CDKAL1: variants seen among roughly 807,000 people sequenced by gnomAD.
CDKAL1 encodes threonylcarbamoyladenosine tRNA methylthiotransferase.
A neutral mutation model predicts 68.2 loss-of-function variants in CDKAL1; 32 were observed. The ratio of observed to expected loss-of-function variants is 0.47; its 90% confidence interval spans 0.35 to 0.63. The LOEUF (loss-of-function observed/expected upper bound fraction) is 0.63. Ranked by LOEUF, CDKAL1 falls within the 30% of genes least tolerant of loss-of-function variation. The pLI is 0.00. For synonymous variants in CDKAL1, 234 were observed against 244.3 expected (o/e 0.96, Z 0.39); for missense variants, 606 against 696.7 (o/e 0.87, Z 1.47).
chr6:21,041,139 A>G (rs966508138), intron 11 of CDKAL1, among the ~76,000 whole-genome samples: 6 of 152,214 alleles, frequency 3.9e-5, no homozygotes, highest in Admixed American at 1.3e-4. Context: ...CACGTCTGCA[A>G]TCAGATGCAA....
At chr6:21,075,313 T>C (rs1032883955) in intron 12 of CDKAL1, among the ~76,000 whole-genome samples, 1 of 146,488 alleles carries the variant, frequency 6.8e-6, no homozygotes, top group Non-Finnish European at 1.5e-5. Flanking sequence ...AATATTAGCA[T>C]TAATATAAAT....
rs542290484 is a variant in CDKAL1 at position 21,158,691 on chromosome 6, C to T, written c.1300-39330C>T. On this transcript the variant is annotated intron_variant, in intron 13 of 15. Transcript: ENST00000274695. ...CAAGCAAAGCATGTATGATGGTATTCATAGAAGAATAGACAGTGTAAGTCT... is the reference window on the plus strand; with the variant it reads ...CAAGCAAAGCATGTATGATGGTATTTATAGAAGAATAGACAGTGTAAGTCT... Among the ~76,000 whole-genome samples the T allele has an allele frequency of 2.0e-5, 3 of 152,312 alleles. No individual in the cohort carries two copies. In the South Asian group the frequency reaches 6.2e-4, roughly 32 times the overall value.
chr6:20,573,067 A>C (rs1764768365), intron 4 of CDKAL1, among the ~76,000 whole-genome samples: 1 of 152,186 alleles, frequency 6.6e-6, no homozygotes, highest in African/African-American at 2.4e-5. Flanking sequence ...TTGTAGCCAG[A>C]GTCTCCTTCT....
At chr6:21,027,928 T>C (rs1769051422) in intron 11 of CDKAL1, among the ~76,000 whole-genome samples, 1 of 152,198 alleles carries the variant, frequency 6.6e-6, no homozygotes, top group African/African-American at 2.4e-5. Flanking sequence ...CCAAAAGCTT[T>C]GGCCCAGAAA....
Position 21,231,165 on chromosome 6 carries a change from A to G in CDKAL1, c.*126A>G. On this transcript the variant is annotated 3_prime_UTR_variant, in exon 16 of 16. Transcript: ENST00000274695. ...GTACTGGTCATGCTGCCTCCTTCTC[A>G]GCCACTCTTCTTAATGAGGCTCCCC... 3.0e-6 allele frequency: 2 copies of G among 660,972 alleles called. No individual in the cohort carries two copies. The highest frequency in any genetic ancestry group is 5.6e-5 in the East Asian group (2 of 35,484). The allele number at this position is 660,972 out of a possible 1,614,324, so 40.9% of individuals were successfully genotyped here.
rs190370454 is a variant in CDKAL1, at chr6:20,561,765, G to A, written c.286+13060G>A. Among the ~76,000 whole-genome samples the A allele has an allele frequency of 6.0e-3, 917 of 152,228 alleles. 6 individuals carry two copies. Among genetic ancestry groups the A allele is most frequent in the South Asian group, 0.028 (135 of 4,824 alleles). Reference sequence around the variant, plus strand: ...AACAAGTATATTTCTTGAATATAATGTATAGAAGTAATTTTATTCTTTTTA... The same window carrying A: ...AACAAGTATATTTCTTGAATATAATATATAGAAGTAATTTTATTCTTTTTA... On this transcript the variant is annotated intron_variant, in intron 4 of 15. Transcript: ENST00000274695.
chr6:20,728,183 A>G lies in CDKAL1; in HGVS notation c.372-11336A>G, dbSNP rs371557031. On this transcript the variant is annotated intron_variant, in intron 5 of 15. Coordinates refer to ENST00000274695, the MANE Select transcript of CDKAL1 (RefSeq NM_017774.3). ...TCATGTGTATTTCTGTATAATTTGT[A>G]TATTTCAGTGGAGGGTGGTCTTTCC... Among the ~76,000 whole-genome samples the G allele has an allele frequency of 1.8e-3, 267 of 152,256 alleles. 1 individual carries two copies. Among genetic ancestry groups the G allele is most frequent in the African/African-American group, 5.4e-3 (225 of 41,554 alleles).
At chr6:20,872,429 C>T (rs1760271492) in intron 9 of CDKAL1, among the ~76,000 whole-genome samples, 1 of 152,126 alleles carries the variant, frequency 6.6e-6, no homozygotes, top group Non-Finnish European at 1.5e-5. Context: ...CAAGATGGTA[C>T]AGGATTATAG....
chr6:21,019,572 A>G (rs935551811), intron 11 of CDKAL1, among the ~76,000 whole-genome samples: 1 of 152,190 alleles, frequency 6.6e-6, no homozygotes, highest in Non-Finnish European at 1.5e-5. Flanking sequence ...GTGATTAGAT[A>G]TATGAAATTT....
At position 20,781,279 on chromosome 6, in the gene CDKAL1, A is replaced by G. The variant is rs757245198; in HGVS notation, c.638+14A>G. On this transcript the variant is annotated intron_variant, in intron 8 of 15. Transcript: ENST00000274695. ...CATCAATACCGGGTAAGCATCTCTC[A>G]AACTTGCTCATAAAATATTCAATAT... 1.5e-5 allele frequency: 24 copies of G among 1,596,532 alleles called. No individual in the cohort carries two copies. The highest frequency in any genetic ancestry group is 1.8e-5 in the Admixed American group (1 of 56,034).
chr6:20,970,816 A>G (rs1454688049), intron 10 of CDKAL1, among the ~76,000 whole-genome samples: 1 of 152,132 alleles, frequency 6.6e-6, no homozygotes, highest in Non-Finnish European at 1.5e-5. Context: ...AATCTTGCCT[A>G]TGATGGTTAA....
At chr6:21,174,969 G>A (rs1270011733) in intron 13 of CDKAL1, among the ~76,000 whole-genome samples, 1 of 152,182 alleles carries the variant, frequency 6.6e-6, no homozygotes, top group African/African-American at 2.4e-5. Context: ...AGGGCTTTAT[G>A]TGGCAACATA....
intron 4 of CDKAL1, among the ~76,000 whole-genome samples, chr6:20,609,010 G>A (rs7758129): frequency 0.69 from 104,833 of 152,008 alleles, 36,364 homozygotes; most frequent in Middle Eastern, 0.88. Context: ...AGTTAAGCAT[G>A]AAGTTATTAG....
At chr6:20,819,218 A>G (rs958541839) in intron 8 of CDKAL1, among the ~76,000 whole-genome samples, 4 of 130,708 alleles carry the variant, frequency 3.1e-5, no homozygotes, top group Non-Finnish European at 5.2e-5. Context: ...GCTTATTTAT[A>G]GTATTTTTTT....
intron 9 of CDKAL1, among the ~76,000 whole-genome samples, chr6:20,907,548 T>C (rs1762286414): frequency 6.6e-6 from 1 of 152,094 alleles, no homozygotes; most frequent in Non-Finnish European, 1.5e-5. Context: ...TAAAAAATAC[T>C]CCTAGGTAGT....
chr6:20,915,635 T>G (rs1220230243), intron 9 of CDKAL1, among the ~76,000 whole-genome samples: 1 of 152,238 alleles, frequency 6.6e-6, no homozygotes, highest in Non-Finnish European at 1.5e-5. Flanking sequence ...TCTAGCCAGC[T>G]TGGATTAACC....
intron 10 of CDKAL1, among the ~76,000 whole-genome samples, chr6:20,969,545 A>G (rs1765489807): frequency 6.6e-6 from 1 of 152,192 alleles, no homozygotes. Context: ...GGTCCACTGT[A>G]ATTCTGTAAA....
intron 5 of CDKAL1, among the ~76,000 whole-genome samples, chr6:20,694,279 G>C (rs1036326125): frequency 1.3e-5 from 2 of 152,154 alleles, no homozygotes; most frequent in Non-Finnish European, 2.9e-5. Context: ...CTGGGCTCAA[G>C]CAGTCCTCCT....
intron 10 of CDKAL1, among the ~76,000 whole-genome samples, chr6:20,974,990 A>AAAAAAG (rs1765775034): frequency 6.7e-6 from 1 of 149,678 alleles, no homozygotes; most frequent in Admixed American, 6.6e-5. Flanking sequence ...AAAAAAAAAA[A>AAAAAAG]AAAAAAAAAA....
Sources: allele counts gnomAD v4.1 joint callset (sites outside exome capture counted in the v4.1 genomes callset), GRCh38; gene constraint gnomAD v4.1.1; transcripts MANE v1.5; gene names NCBI Gene and HGNC (gene_info 2026-07-23, HGNC 2026-07-21).